NCKAP5: variants seen among roughly 807,000 people sequenced by gnomAD.
NCKAP5 encodes the protein NCK associated protein 5.
In NCKAP5, 92 loss-of-function variants were observed where a neutral mutation model predicts 167.0. That is an observed-to-expected ratio of 0.55 (90% CI 0.47 to 0.66). NCKAP5 has a LOEUF of 0.66. Among genes scored for constraint, NCKAP5 ranks in the 30% least tolerant of loss-of-function variants. The probability of loss-of-function intolerance (pLI) is 0.00; values close to 1 mark genes in which losing one functional copy is unlikely to be tolerated. For missense variants in NCKAP5, 2,378 were observed against 2,315.0 expected (o/e 1.03, Z -0.56); for synonymous variants, 891 against 877.4 (o/e 1.02, Z -0.27).
In NCKAP5 at chr2:132,892,184, G is replaced by A. The variant is rs369169666; in HGVS notation, c.580-13268C>T. Among the ~76,000 whole-genome samples the A allele has an allele frequency of 2.0e-4, 31 of 152,268 alleles. No individual in the cohort carries two copies. The East Asian group carries it at 4.4e-3, about 22-fold the overall frequency. ...TAAACAGGCTCACATACAGATTAGC[G>A]TCAGGTCCTGATTCTTTTAACCCAC... On this transcript the variant is annotated intron_variant, in intron 8 of 19. Coordinates refer to ENST00000409261, the MANE Select transcript of NCKAP5 (RefSeq NM_207363.3).
intron 6 of NCKAP5, among the ~76,000 whole-genome samples, chr2:133,082,490 G>A (rs142511767): frequency 4.9e-3 from 749 of 152,222 alleles, no homozygotes; most frequent in Middle Eastern, 0.017. Flanking sequence ...TGGGTGGAAG[G>A]GGATGGAGAA....
the NCKAP5 span, among the ~76,000 whole-genome samples, chr2:133,633,841 T>C: frequency 6.6e-6 from 1 of 152,230 alleles, no homozygotes; most frequent in African/African-American, 2.4e-5. Context: ...AGAGCATGAT[T>C]GATGGGGCTC....
At chr2:133,071,688 G>T (rs371139915) in intron 6 of NCKAP5, among the ~76,000 whole-genome samples, 48 of 152,238 alleles carry the variant, frequency 3.2e-4, no homozygotes, top group African/African-American at 1.1e-3. Context: ...GTAGAAAATA[G>T]AATTTAAGCC....
At chr2:132,922,456 G>A (rs1695516615) in intron 8 of NCKAP5, among the ~76,000 whole-genome samples, 1 of 152,130 alleles carries the variant, frequency 6.6e-6, no homozygotes, top group African/African-American at 2.4e-5. Flanking sequence ...ATACTTTAAT[G>A]AGACCCCAAA....
chr2:133,620,353 A>C, the NCKAP5 span, among the ~76,000 whole-genome samples: 1 of 152,078 alleles, frequency 6.6e-6, no homozygotes, highest in Non-Finnish European at 1.5e-5. Flanking sequence ...TACGTCAACC[A>C]AGTTTCTGCT....
intron 7 of NCKAP5, among the ~76,000 whole-genome samples, chr2:132,991,498 A>G (rs2077446146): frequency 1.3e-5 from 2 of 152,240 alleles, no homozygotes; most frequent in Admixed American, 6.5e-5. Context: ...TATGCAAGCT[A>G]TAAATTACAC....
At chr2:133,291,419 C>T (rs1679591250) in intron 4 of NCKAP5, among the ~76,000 whole-genome samples, 1 of 152,144 alleles carries the variant, frequency 6.6e-6, no homozygotes, top group African/African-American at 2.4e-5. Flanking sequence ...TCCTCGTCAA[C>T]AGGAGATGGG....
intron 5 of NCKAP5, among the ~76,000 whole-genome samples, chr2:133,137,440 G>C (rs2082834168): frequency 2.7e-5 from 4 of 148,964 alleles, no homozygotes. Context: ...GTGTGTGTGT[G>C]TGTGTGTGTG....
At chr2:133,404,578 T>G (rs1174364517) in intron 3 of NCKAP5, among the ~76,000 whole-genome samples, 1 of 152,226 alleles carries the variant, frequency 6.6e-6, no homozygotes. Flanking sequence ...GTTTTTCATT[T>G]AATATTTTTG....
intron 3 of NCKAP5, among the ~76,000 whole-genome samples, chr2:133,335,178 A>G (rs1229181115): frequency 6.6e-6 from 1 of 152,130 alleles, no homozygotes; most frequent in Non-Finnish European, 1.5e-5. Flanking sequence ...TATCCATGGA[A>G]TGTCTCAGTG....
intron 6 of NCKAP5, among the ~76,000 whole-genome samples, chr2:133,084,355 TA>T (rs1409357017): frequency 6.6e-6 from 1 of 152,116 alleles, no homozygotes; most frequent in Non-Finnish European, 1.5e-5. Flanking sequence ...AGAGCAAATA[TA>T]TACATGCAAG....
chr2:133,145,181 T>C (rs1252502623), intron 5 of NCKAP5, among the ~76,000 whole-genome samples: 1 of 152,046 alleles, frequency 6.6e-6, no homozygotes, highest in East Asian at 1.9e-4. Flanking sequence ...TAAGGCTCTG[T>C]AGTGCATGGA....
intron 5 of NCKAP5, among the ~76,000 whole-genome samples, chr2:133,132,028 A>T (rs1440862977): frequency 6.6e-6 from 1 of 152,022 alleles, no homozygotes; most frequent in African/African-American, 2.4e-5. Context: ...TGAAGTTCAC[A>T]CCTGTAATCC....
At chr2:133,141,506 T>C (rs1434228) in intron 5 of NCKAP5, among the ~76,000 whole-genome samples, 36,650 of 152,060 alleles carry the variant, frequency 0.24, 4,871 homozygotes, top group East Asian at 0.39. Flanking sequence ...GGTATAATTA[T>C]GTGTATTGGA....
At chr2:132,687,248 C>T (rs573111878) in intron 19 of NCKAP5, among the ~76,000 whole-genome samples, 1 of 152,196 alleles carries the variant, frequency 6.6e-6, no homozygotes, top group African/African-American at 2.4e-5. Context: ...CTTAGGGTCG[C>T]CTCTGCAGAT....
At chr2:133,097,588 A>C (rs1277051128) in intron 6 of NCKAP5, among the ~76,000 whole-genome samples, 2 of 152,214 alleles carry the variant, frequency 1.3e-5, no homozygotes, top group Non-Finnish European at 2.9e-5. Flanking sequence ...ATAAGAAAGA[A>C]AGGAAAATGC....
intron 4 of NCKAP5, among the ~76,000 whole-genome samples, chr2:133,271,086 A>AT (rs67497565): frequency 0.02 from 2,574 of 130,802 alleles, 18 homozygotes; most frequent in Middle Eastern, 0.025. Context: ...GGCCCGGCTA[A>AT]TTTTTTTTTT....
chr2:132,746,852 G>A (rs887011338), intron 16 of NCKAP5, among the ~76,000 whole-genome samples: 2 of 152,120 alleles, frequency 1.3e-5, no homozygotes, highest in Non-Finnish European at 2.9e-5. Flanking sequence ...TGCTTATTAA[G>A]AGAGGCCAAA....
chr2:133,577,385 T>G, the NCKAP5 span, among the ~76,000 whole-genome samples: 2 of 152,194 alleles, frequency 1.3e-5, no homozygotes, highest in African/African-American at 4.8e-5. Context: ...AAGACCCCTA[T>G]AGCATTGTAA....
Sources: gnomAD v4.1 joint callset for allele counts (sites outside exome capture counted in the v4.1 genomes callset) on GRCh38, gnomAD v4.1.1 for gene constraint, MANE v1.5 for transcripts, NCBI Gene and HGNC (gene_info 2026-07-23, HGNC 2026-07-21) for gene names.